Variants in TRPA1 observed in about 807,000 individuals in gnomAD.
The protein encoded by TRPA1 is ankyrin-like with transmembrane domains 1.
TRPA1 carries 129 observed loss-of-function variants against 131.3 expected under a neutral mutation model. That is an observed-to-expected ratio of 0.98 (90% CI 0.85 to 1.14). The LOEUF (loss-of-function observed/expected upper bound fraction) is 1.14. TRPA1 is among the 50% of genes most tolerant of loss of function. TRPA1 has a pLI of 0.00. For synonymous variants in TRPA1, 441 were observed against 451.7 expected (o/e 0.98, Z 0.30); for missense variants, 1,304 against 1,354.2 (o/e 0.96, Z 0.58).
chr8:72,048,709 A>T (rs1805413142), intron 15 of TRPA1, among the ~76,000 whole-genome samples: 1 of 152,186 alleles, frequency 6.6e-6, no homozygotes, highest in African/African-American at 2.4e-5. Context: ...AAGACATGTA[A>T]GTTCATTTAT....
intron 2 of TRPA1, among the ~76,000 whole-genome samples, chr8:72,069,864 C>T (rs975751470): frequency 9.9e-5 from 15 of 151,958 alleles, no homozygotes; most frequent in African/African-American, 3.6e-4. Flanking sequence ...GACAATAATA[C>T]TAAGTCATGT....
At chr8:72,080,223 A>G (rs1282633691), upstream of TRPA1, among the ~76,000 whole-genome samples, 3 of 151,776 alleles carry the variant, frequency 2.0e-5, no homozygotes, top group East Asian at 1.9e-4. Flanking sequence ...CTTTTTCCCA[A>G]TCTTAGGGGG....
chr8:72,026,097 G>C lies in TRPA1; in HGVS notation c.2938-24C>G, dbSNP rs2305017. ...ACCTAAAGTGCATTTTGGATTTATT[G>C]ATAGAATCATTAGTTAGTATATGGA... On this transcript the variant is annotated intron_variant, in intron 24 of 26. Transcript: ENST00000262209. The C allele has an allele frequency of 0.26, 407,515 of 1,575,902 alleles. 54,975 individuals are homozygous for C. The highest frequency in any genetic ancestry group is 0.36 in the East Asian group (16,207 of 44,672).
intron 15 of TRPA1, among the ~76,000 whole-genome samples, chr8:72,048,889 A>G (rs553098448): frequency 2.8e-4 from 42 of 152,330 alleles, no homozygotes; most frequent in Non-Finnish European, 1.9e-4. Context: ...CCACATGTGA[A>G]TATTTCAACA....
intron 17 of TRPA1, 116 bp from the exon 18 acceptor site, chr8:72,039,913 ATT>A: frequency 1.4e-6 from 1 of 704,064 alleles, no homozygotes; most frequent in Non-Finnish European, 2.5e-6. Flanking sequence ...AGTAACACCT[ATT>A]TTAGAACATT....
At chr8:72,073,645 A>G (rs952511645) in intron 1 of TRPA1, among the ~76,000 whole-genome samples, 1 of 152,258 alleles carries the variant, frequency 6.6e-6, no homozygotes, top group South Asian at 2.1e-4. Context: ...AAGTTGCTCT[A>G]CGTAGATGAT....
At position 72,065,468 on chromosome 8, in the gene TRPA1, C is replaced by T. The variant is rs920829; in HGVS notation, c.535G>A (p.Glu179Lys). The T allele has an allele frequency of 0.13, 203,483 of 1,612,456 alleles. 15,076 individuals are homozygous for T. The highest frequency in any genetic ancestry group is 0.31 in the East Asian group (13,785 of 44,744). Residue 179 changes from glutamate to lysine, a missense_variant, in exon 4 of 27, where the codon GAA (glutamate) becomes AAA (lysine). Coordinates refer to ENST00000262209, the MANE Select transcript of TRPA1 (RefSeq NM_007332.3). ...VIIACTTNNS[E>K]ALQILLKKGA... is the part of the protein sequence containing the mutation. ...ATACAAACCAAAATCTGCAATGCTT[C>T]GCTATTATTTGTGGTGCACGCAATG...
At chr8:72,030,329 A>G (rs1811767054) in intron 23 of TRPA1, among the ~76,000 whole-genome samples, 1 of 152,152 alleles carries the variant, frequency 6.6e-6, no homozygotes, top group Non-Finnish European at 1.5e-5. Flanking sequence ...CCCACCTTCT[A>G]ATGCCATCTT....
intron 13 of TRPA1, 135 bp downstream of exon 13, chr8:72,053,618 C>T (rs959014666): frequency 1.5e-5 from 11 of 712,452 alleles, no homozygotes; most frequent in Non-Finnish European, 2.0e-5. Context: ...CCTCAAGAAT[C>T]CACTTGCTAA....
At position 72,052,761 on chromosome 8, in the gene TRPA1, G is replaced by C. The variant is rs757857454; in HGVS notation, c.1649C>G (p.Thr550Ser). Reference protein sequence around the residue: ...CTDRLDEDGNTALHFAAREGH... With the variant: ...CTDRLDEDGNSALHFAAREGH... ...TTCCCTTGCAGCAAAGTGAAGTGCA[G>C]TGTTCTTTTGAAGAAAAACAGACAC... The change falls in exon 14 of 27, where the codon ACT becomes AGT. Residue 550 changes from threonine (T) to serine (S), a missense_variant. Physicochemically the swap from Thr to Ser is moderately conservative, Grantham distance 58 (BLOSUM62 1). Transcript: ENST00000262209. 5 of 1,612,690 alleles carry C rather than the reference G, an allele frequency of 3.1e-6. No homozygotes were observed. The highest frequency in any genetic ancestry group is 4.2e-6 in the Non-Finnish European group (5 of 1,179,782).
chr8:72,046,609 C>T lies in TRPA1; in HGVS notation c.1966-1G>A, dbSNP rs765038342. 6.6e-7 allele frequency: 1 copy of T among 1,516,704 alleles called. No individual in the cohort carries two copies. The highest frequency in any genetic ancestry group is 9.1e-7 in the Non-Finnish European group (1 of 1,098,148). The allele number at this position is 1,516,704 out of a possible 1,614,324, so 94.0% of individuals were successfully genotyped here. A position where few individuals can be genotyped will look rare whatever the true frequency, so the allele number is the denominator to read the frequency against. On this transcript the variant is annotated splice_acceptor_variant, in intron 16 of 26. Coordinates refer to ENST00000262209, the MANE Select transcript of TRPA1 (RefSeq NM_007332.3). LOFTEE classifies it high-confidence loss of function. ...GAAGATATTTGAAATTATACTCGATCTGTAGAAGACAGAATTTTTTTTAAA... is the reference window on the plus strand; with the variant it reads ...GAAGATATTTGAAATTATACTCGATTTGTAGAAGACAGAATTTTTTTTAAA...
the TRPA1 span, among the ~76,000 whole-genome samples, chr8:72,082,683 C>CTTT: frequency 6.8e-6 from 1 of 146,812 alleles, no homozygotes; most frequent in African/African-American, 2.5e-5. Flanking sequence ...AACAAATTAT[C>CTTT]TTTTTTTTTT....
chr8:72,048,528 T>C (rs1417614931), intron 15 of TRPA1, among the ~76,000 whole-genome samples: 3 of 152,060 alleles, frequency 2.0e-5, no homozygotes, highest in African/African-American at 7.2e-5. Flanking sequence ...CCAGTAGTGC[T>C]GTGCAAGGCA....
rs770588215 is a variant in TRPA1, at chr8:72,038,934, T to C, written c.2226A>G (p.Pro742=). ...PMTILVVNIK[P]GMAFNSTGII... ...TGCCAGTTGAGTTGAAAGCCATTCC[T>C]GGTTTTATATTGACAACGAGAATGG... The change falls in exon 19 of 27, where the codon CCA becomes CCG. Residue 742 remains proline (P), a synonymous_variant. Transcript: ENST00000262209. 6.2e-6 allele frequency: 10 copies of C among 1,613,022 alleles called. No individual in the cohort carries two copies. Among genetic ancestry groups the C allele is most frequent in the Non-Finnish European group, 8.5e-6 (10 of 1,179,428 alleles).
intron 18 of TRPA1, among the ~76,000 whole-genome samples, chr8:72,039,389 A>AT (rs1812169769): frequency 6.6e-6 from 1 of 152,024 alleles, no homozygotes; most frequent in South Asian, 2.1e-4. Flanking sequence ...CAAATATTTC[A>AT]TTTAATGTTA....
chr8:72,061,100 C>T (rs1805797794), intron 7 of TRPA1, among the ~76,000 whole-genome samples: 1 of 152,110 alleles, frequency 6.6e-6, no homozygotes, highest in Non-Finnish European at 1.5e-5. Flanking sequence ...ATACACTTTG[C>T]CTGATGTGCG....
intron 23 of TRPA1, among the ~76,000 whole-genome samples, chr8:72,031,325 T>A (rs971049059): frequency 6.6e-6 from 1 of 152,136 alleles, no homozygotes; most frequent in African/African-American, 2.4e-5. Flanking sequence ...ACATCTGTAA[T>A]CCCAGAAATT....
chr8:72,075,133 G>A (rs747376228), intron 1 of TRPA1, among the ~76,000 whole-genome samples, 166 bp downstream of exon 1: 1 of 152,114 alleles, frequency 6.6e-6, no homozygotes, highest in South Asian at 2.1e-4. Flanking sequence ...TAAAGCAGGC[G>A]CTGTGTGGGC....
At chr8:72,048,544 A>G (rs936150591) in intron 15 of TRPA1, among the ~76,000 whole-genome samples, 1 of 152,110 alleles carries the variant, frequency 6.6e-6, no homozygotes, top group African/African-American at 2.4e-5. Context: ...AGGCAGAAAC[A>G]GGCAGGTCTG....
Sources: allele counts gnomAD v4.1 joint callset (sites outside exome capture counted in the v4.1 genomes callset), GRCh38; gene constraint gnomAD v4.1.1; transcripts MANE v1.5; gene names NCBI Gene and HGNC (gene_info 2026-07-23, HGNC 2026-07-21).